ADGRL2: variants seen among roughly 807,000 people sequenced by gnomAD.
ADGRL2 encodes the protein calcium-independent alpha-latrotoxin receptor 2.
In ADGRL2, 44 loss-of-function variants were observed where a neutral mutation model predicts 157.4. The observed-to-expected ratio is 0.28, with a 90% CI of 0.22 to 0.36. ADGRL2 has a LOEUF of 0.36. Among genes scored for constraint, ADGRL2 ranks in the 10% least tolerant of loss-of-function variants. The pLI is 1.00. For synonymous variants in ADGRL2, 585 were observed against 624.7 expected, an observed-to-expected ratio of 0.94 and a Z score of 0.95; for missense variants, 1,510 against 1,768.9, an observed-to-expected ratio of 0.85 and a Z score of 2.63.
At chr1:81,484,620 A>G (rs1286505760) in intron 2 of ADGRL2, among the ~76,000 whole-genome samples, 1 of 152,168 alleles carries the variant, frequency 6.6e-6, no homozygotes, top group South Asian at 2.1e-4. Flanking sequence ...AGCTGTGTAT[A>G]TTAGGTTATC....
intron 2 of ADGRL2, among the ~76,000 whole-genome samples, chr1:81,479,945 A>T (rs1249941343): frequency 2.0e-5 from 3 of 152,186 alleles, no homozygotes; most frequent in African/African-American, 7.2e-5. Context: ...TTGCAACCGA[A>T]GTTTTATGGA....
At chr1:81,807,522 C>T (rs1291781747) in intron 1 of ADGRL2, among the ~76,000 whole-genome samples, 1 of 151,768 alleles carries the variant, frequency 6.6e-6, no homozygotes, top group African/African-American at 2.4e-5. Flanking sequence ...CAAAGATTGG[C>T]CAGGTAGTGA....
chr1:81,489,236 C>CAA (rs35819907), intron 2 of ADGRL2, among the ~76,000 whole-genome samples: 18,069 of 143,814 alleles, frequency 0.13, 1,814 homozygotes, highest in African/African-American at 0.29. Context: ...GACTCTGTCT[C>CAA]AAAAAAAAAA....
At chr1:81,977,369 G>A (rs1362025090) in intron 17 of ADGRL2, among the ~76,000 whole-genome samples, 3 of 151,752 alleles carry the variant, frequency 2.0e-5, no homozygotes, top group Non-Finnish European at 3.0e-5. Context: ...GTTTTTAAAG[G>A]ATTAATTGAG....
intron 3 of ADGRL2, among the ~76,000 whole-genome samples, chr1:81,629,877 C>T (rs2081980327): frequency 6.6e-6 from 1 of 151,892 alleles, no homozygotes; most frequent in Admixed American, 6.6e-5. Context: ...AAGTGTGAGC[C>T]ACCATGTCCA....
intron 2 of ADGRL2, among the ~76,000 whole-genome samples, chr1:81,868,060 G>GTGGT (rs1553173773): frequency 6.9e-6 from 1 of 145,560 alleles, no homozygotes; most frequent in African/African-American, 2.5e-5. Flanking sequence ...GTGTGTGTGT[G>GTGGT]GTGTGTGTGT....
chr1:81,598,325 T>C (rs1018345297), intron 3 of ADGRL2, among the ~76,000 whole-genome samples: 1 of 152,220 alleles, frequency 6.6e-6, no homozygotes, highest in East Asian at 1.9e-4. Flanking sequence ...TAGAGTAAAA[T>C]AGATGTCATT....
chr1:81,481,570 T>G (rs905138633), intron 2 of ADGRL2, among the ~76,000 whole-genome samples: 16 of 152,176 alleles, frequency 1.1e-4, no homozygotes, highest in African/African-American at 3.6e-4. Flanking sequence ...AGACCAAAAG[T>G]CGTGTTTCGT....
intron 1 of ADGRL2, among the ~76,000 whole-genome samples, chr1:81,348,481 G>A (rs1341677025): frequency 6.6e-6 from 1 of 152,130 alleles, no homozygotes; most frequent in Non-Finnish European, 1.5e-5. Context: ...TGGTGATATG[G>A]GGAGGGGGTT....
chr1:81,387,644 C>G (rs371653570), intron 1 of ADGRL2, among the ~76,000 whole-genome samples: 33 of 152,144 alleles, frequency 2.2e-4, no homozygotes, highest in African/African-American at 7.7e-4. Flanking sequence ...GCTATATATC[C>G]GAAGTTATTC....
At chr1:81,772,012 G>C (rs959423605) in intron 2 of ADGRL2, among the ~76,000 whole-genome samples, 9 of 152,182 alleles carry the variant, frequency 5.9e-5, no homozygotes, top group South Asian at 4.1e-4. Context: ...CACTTTGGGA[G>C]GGGGAGACAG....
intron 1 of ADGRL2, among the ~76,000 whole-genome samples, chr1:81,440,761 A>G (rs1309185645): frequency 6.6e-6 from 1 of 152,160 alleles, no homozygotes; most frequent in Admixed American, 6.5e-5. Flanking sequence ...TGAGGCTCCA[A>G]GTTTCTAATT....
chr1:81,634,598 G>A (rs956649403), intron 3 of ADGRL2, among the ~76,000 whole-genome samples: 1 of 151,196 alleles, frequency 6.6e-6, no homozygotes, highest in African/African-American at 2.4e-5. Flanking sequence ...GCAGTGGTGC[G>A]ATCTTGGCTC....
chr1:81,503,002 C>A (rs2078888355), intron 2 of ADGRL2: 1 of 1,613,042 alleles, frequency 6.2e-7, no homozygotes, highest in Non-Finnish European at 8.5e-7. Context: ...TCTGGCTGTG[C>A]CCGTGACCTT....
intron 1 of ADGRL2, among the ~76,000 whole-genome samples, chr1:81,412,980 C>A (rs4233110): frequency 0.6 from 91,001 of 151,954 alleles, 28,504 homozygotes; most frequent in Admixed American, 0.72. Context: ...ATGACTCAGT[C>A]AGCTGGTGAT....
intron 2 of ADGRL2, among the ~76,000 whole-genome samples, chr1:81,905,229 C>T (rs2094562439): frequency 6.6e-6 from 1 of 151,886 alleles, no homozygotes; most frequent in Non-Finnish European, 1.5e-5. Flanking sequence ...TCCCTAGTAA[C>T]TGGGATTACA....
At chr1:81,806,603 T>C (rs2089192934) in intron 1 of ADGRL2, among the ~76,000 whole-genome samples, 1 of 152,032 alleles carries the variant, frequency 6.6e-6, no homozygotes, top group South Asian at 2.1e-4. Context: ...TAATAAAATG[T>C]TATTGCTTTA....
intron 2 of ADGRL2, among the ~76,000 whole-genome samples, chr1:81,900,856 A>G (rs1224756599): frequency 6.6e-6 from 1 of 152,124 alleles, no homozygotes; most frequent in Non-Finnish European, 1.5e-5. Flanking sequence ...CTGCCCAGTC[A>G]TTGGCTGACC....
intron 1 of ADGRL2, among the ~76,000 whole-genome samples, chr1:81,836,193 C>T (rs1473485612): frequency 6.6e-6 from 1 of 152,006 alleles, no homozygotes; most frequent in Non-Finnish European, 1.5e-5. Context: ...CTTTGTAAAA[C>T]TCTTTAGTTG....
Sources: gnomAD v4.1 joint callset for allele counts (sites outside exome capture counted in the v4.1 genomes callset) on GRCh38, gnomAD v4.1.1 for gene constraint, MANE v1.5 for transcripts, NCBI Gene and HGNC (gene_info 2026-07-23, HGNC 2026-07-21) for gene names.